Variants in MRNIP observed in about 807,000 individuals in gnomAD.
MRNIP encodes the protein MRN complex-interacting protein.
MRNIP carries 30 observed loss-of-function variants against 29.8 expected under a neutral mutation model. The observed-to-expected ratio is 1.01, with a 90% CI of 0.75 to 1.36. The LOEUF is 1.36. MRNIP is among the 40% of genes most tolerant of loss of function. The pLI is 0.00. For synonymous variants in MRNIP, 201 were observed against 164.1 expected, an observed-to-expected ratio of 1.23 and a Z score of -1.72; for missense variants, 459 against 423.5, an observed-to-expected ratio of 1.08 and a Z score of -0.74.
chr5:179,843,946 T>C (rs1222673920), intron 4 of MRNIP, among the ~76,000 whole-genome samples: 1 of 152,092 alleles, frequency 6.6e-6, no homozygotes, highest in Non-Finnish European at 1.5e-5. Context: ...CTTTGCAGGG[T>C]ATTGTAATGC....
At chr5:179,852,260 T>C (rs1304237636) in intron 2 of MRNIP, among the ~76,000 whole-genome samples, 4 of 150,278 alleles carry the variant, frequency 2.7e-5, no homozygotes, top group Non-Finnish European at 4.4e-5. Context: ...CACTCCAGCC[T>C]GCATGACAGA....
At chr5:179,848,411 C>T (rs143941113) in intron 2 of MRNIP, among the ~76,000 whole-genome samples, 1 of 152,274 alleles carries the variant, frequency 6.6e-6, no homozygotes, top group East Asian at 1.9e-4. Flanking sequence ...GTATAACATA[C>T]TGCCAAAAAA....
chr5:179,842,476 C>G (rs1159754265), intron 4 of MRNIP, among the ~76,000 whole-genome samples: 1 of 145,792 alleles, frequency 6.9e-6, no homozygotes, highest in African/African-American at 2.5e-5. Context: ...GTCAGGAGAT[C>G]GAGACCACCC....
intron 2 of MRNIP, among the ~76,000 whole-genome samples, chr5:179,852,284 T>TAA (rs1236756244): frequency 6.9e-6 from 1 of 144,008 alleles, no homozygotes; most frequent in African/African-American, 2.6e-5. Context: ...AGACTCCATG[T>TAA]CAAAAAAAAA....
chr5:179,845,081 T>A (rs1381574891), intron 3 of MRNIP, among the ~76,000 whole-genome samples: 1 of 152,222 alleles, frequency 6.6e-6, no homozygotes, highest in Admixed American at 6.5e-5. Context: ...TTCCCTTATA[T>A]TTTCTACTTT....
chr5:179,849,571 T>C (rs569067297), intron 2 of MRNIP, among the ~76,000 whole-genome samples: 16 of 150,796 alleles, frequency 1.1e-4, no homozygotes, highest in Admixed American at 9.3e-4. Context: ...TGACCATGGG[T>C]CCTGCTATGG....
rs145845113 is a variant in MRNIP at position 179,857,278 on chromosome 5, T to C, written c.66+1453A>G. Among the ~76,000 whole-genome samples the C allele has an allele frequency of 6.5e-4, 99 of 151,956 alleles. 1 individual carries two copies. The East Asian group carries it at 0.018, about 27-fold the overall frequency. On this transcript the variant is annotated intron_variant, in intron 1 of 6. Transcript: ENST00000292586. ...GAGATGGAGACCTTCCTGGTCAACATGGTGAAACCCCGTCTCTACTAAAAA... is the reference window on the plus strand; with the variant it reads ...GAGATGGAGACCTTCCTGGTCAACACGGTGAAACCCCGTCTCTACTAAAAA...
chr5:179,841,889 C>T lies in MRNIP; in HGVS notation c.449+18G>A, dbSNP rs184456586. 4.8e-5 allele frequency: 77 copies of T among 1,611,652 alleles called. No homozygotes were observed. In the Admixed American group the frequency reaches 6.2e-4, roughly 13 times the overall value. On this transcript the variant is annotated intron_variant, in intron 5 of 6. Coordinates refer to ENST00000292586, the MANE Select transcript of MRNIP (RefSeq NM_016175.4). ...CAGAGGCCCTGGGCCAGGGCTGGAA[C>T]GGAGACGCACTTGGTACCTTTTTCT...
At chr5:179,848,507 T>A (rs1311301597) in intron 2 of MRNIP, among the ~76,000 whole-genome samples, 2 of 152,154 alleles carry the variant, frequency 1.3e-5, no homozygotes, top group African/African-American at 4.8e-5. Context: ...CACAAATTCA[T>A]CCAACAAATA....
intron 4 of MRNIP, among the ~76,000 whole-genome samples, chr5:179,842,883 A>C (rs2113545294): frequency 6.6e-6 from 1 of 150,912 alleles, no homozygotes; most frequent in South Asian, 2.1e-4. Context: ...AAATACAAAA[A>C]TTAGCCGGGC....
At position 179,844,037 on chromosome 5, in the gene MRNIP, G is replaced by A. The variant is rs1680641007; in HGVS notation, c.291+115C>T. 5 of 830,760 alleles carry A rather than the reference G, an allele frequency of 6.0e-6. No homozygotes were observed. In the South Asian group the frequency reaches 7.8e-5, roughly 13 times the overall value. 51.5% of individuals were successfully genotyped at this position (830,760 alleles called of 1,614,324 possible). On this transcript the variant is annotated intron_variant, in intron 4 of 6. Transcript: ENST00000292586. ...TGTTCCCTGCAGCTTTAAGCCAACT[G>A]CCTGTCATTGGGTGGCATCAACACA...
At chr5:179,851,822 C>T (rs1465740605) in intron 2 of MRNIP, among the ~76,000 whole-genome samples, 1 of 151,804 alleles carries the variant, frequency 6.6e-6, no homozygotes, top group African/African-American at 2.4e-5. Flanking sequence ...ACTAAAAATA[C>T]AAAATATTAG....
At chr5:179,843,347 G>GT (rs539781326) in intron 4 of MRNIP, among the ~76,000 whole-genome samples, 33 of 152,248 alleles carry the variant, frequency 2.2e-4, no homozygotes, top group African/African-American at 7.9e-4. Context: ...ATGCAAAAAA[G>GT]TATTTCTGAT....
chr5:179,846,077 A>G (rs1471448274), intron 3 of MRNIP: 1 of 152,164 alleles, frequency 6.6e-6, no homozygotes, highest in Non-Finnish European at 1.5e-5. Context: ...AAATACACCT[A>G]TTTTTTGAAG....
At chr5:179,850,639 T>C (rs1183593179) in intron 2 of MRNIP, among the ~76,000 whole-genome samples, 1 of 152,170 alleles carries the variant, frequency 6.6e-6, no homozygotes, top group Non-Finnish European at 1.5e-5. Context: ...TTGGAGCACA[T>C]TCGCCTGAGA....
intron 4 of MRNIP, 117 bp from the exon 5 acceptor site, chr5:179,842,181 A>T: frequency 9.9e-7 from 1 of 1,008,914 alleles, no homozygotes; most frequent in South Asian, 1.5e-5. Flanking sequence ...GCTCCACTCT[A>T]GGAAAGGCAC....
chr5:179,840,895 C>G lies in MRNIP; in HGVS notation c.514G>C (p.Glu172Gln). The change falls in exon 6 of 7, where the codon GAG becomes CAG. Residue 172 changes from glutamate (E) to glutamine (Q), a missense_variant. Transcript: ENST00000292586. ...SRGVQDSGGS[E>Q]VAWGPQKGQA... ...ACCTTCTGGGGTCCCCAGGCGACCT[C>G]AGAGCCACCCGAGTCCTGCACGCCA... is the stretch of plus-strand genomic sequence containing the variant. 6.2e-7 allele frequency: 1 copy of G among 1,611,928 alleles called. No homozygotes were observed. The highest frequency in any genetic ancestry group is 1.1e-5 in the South Asian group (1 of 90,470).
intron 6 of MRNIP, chr5:179,839,317 C>G (rs1444065308): frequency 6.6e-6 from 1 of 151,790 alleles, no homozygotes; most frequent in African/African-American, 2.4e-5. Flanking sequence ...GTGAAAGCAG[C>G]GATAGAGTGG....
At chr5:179,851,265 C>G (rs1759355051) in intron 2 of MRNIP, 1 of 455,968 alleles carries the variant, frequency 2.2e-6, no homozygotes, top group South Asian at 1.5e-5. Context: ...CCCCTCTCTT[C>G]TGAGACCCAA....
Sources: gnomAD v4.1 joint callset for allele counts (sites outside exome capture counted in the v4.1 genomes callset) on GRCh38, gnomAD v4.1.1 for gene constraint, MANE v1.5 for transcripts, NCBI Gene and HGNC (gene_info 2026-07-23, HGNC 2026-07-21) for gene names.